The following AGO2 variants were observed in gnomAD, a reference collection of about 807,000 sequenced individuals.
AGO2 encodes the protein protein argonaute-2.
A neutral mutation model predicts 102.3 loss-of-function variants in AGO2; 5 were observed. The ratio of observed to expected loss-of-function variants is 0.05; its 90% CI spans 0.03 to 0.10. The LOEUF is 0.10. Among genes scored for constraint, AGO2 ranks in the 10% least tolerant of loss-of-function variants. AGO2 has a pLI of 1.00. For missense variants in AGO2, 541 were observed against 1,183.7 expected (o/e 0.46, Z 7.97); for synonymous variants, 449 against 473.1 (o/e 0.95, Z 0.66).
At chr8:140,633,296 G>A (rs1191528137) in intron 1 of AGO2, among the ~76,000 whole-genome samples, 1 of 152,166 alleles carries the variant, frequency 6.6e-6, no homozygotes, top group Non-Finnish European at 1.5e-5. Flanking sequence ...AAGCCTTAAT[G>A]TGTAGCATAA....
upstream of AGO2, among the ~76,000 whole-genome samples, chr8:140,638,831 T>G (rs2074425517): frequency 6.6e-6 from 1 of 152,182 alleles, no homozygotes; most frequent in Admixed American, 6.6e-5. Context: ...CACCTTGGCC[T>G]CCTCAAAGTG....
chr8:140,547,218 G>A (rs1415410466), intron 13 of AGO2, among the ~76,000 whole-genome samples: 1 of 152,226 alleles, frequency 6.6e-6, no homozygotes, highest in Non-Finnish European at 1.5e-5. Context: ...TGCCCACTGG[G>A]ATTCGAGGCA....
chr8:140,523,338 G>A lies in AGO2; in HGVS notation c.*8706C>T, dbSNP rs1248071537. 6.6e-6 allele frequency: 1 copy of A among 151,748 alleles called. No homozygotes were observed. Among genetic ancestry groups the A allele is most frequent in the Non-Finnish European group, 1.5e-5 (1 of 67,936 alleles). 9.4% of individuals were successfully genotyped at this position (151,748 alleles called of 1,614,324 possible). A position where few individuals can be genotyped will look rare whatever the true frequency, so the allele number is the denominator to read the frequency against. On this transcript the variant is annotated 3_prime_UTR_variant, in exon 19 of 19. Transcript: ENST00000220592. Reference sequence around the variant, plus strand: ...TCATTGTGGGAGAAAATTAAGAAGGGGCAAAAATCCATCTATGGAACTTCT... The same window carrying A: ...TCATTGTGGGAGAAAATTAAGAAGGAGCAAAAATCCATCTATGGAACTTCT...
chr8:140,553,568 C>A (rs1033928293), intron 10 of AGO2, among the ~76,000 whole-genome samples: 1 of 151,904 alleles, frequency 6.6e-6, no homozygotes, highest in Non-Finnish European at 1.5e-5. Context: ...GGCCACCACA[C>A]CCAGCTAATT....
Position 140,556,969 on chromosome 8 carries a change from A to G in AGO2, c.1026+120T>C. On this transcript the variant is annotated intron_variant, in intron 8 of 18. Transcript: ENST00000220592. ...ATTAACCCACCCGCATTCCTGCAGC[A>G]GCAGAGGCAGTGCCATTTGTATCTG... is the stretch of plus-strand genomic sequence containing the variant. 2.9e-6 allele frequency: 4 copies of G among 1,389,268 alleles called. No homozygotes were observed. The South Asian group carries it at 4.2e-5, about 15-fold the overall frequency. 86.1% of individuals were successfully genotyped at this position (1,389,268 alleles called of 1,614,324 possible).
intron 3 of AGO2, among the ~76,000 whole-genome samples, chr8:140,571,523 G>A (rs189194574): frequency 2.8e-4 from 42 of 152,306 alleles, no homozygotes; most frequent in African/African-American, 8.4e-4. Flanking sequence ...AAGACTGAAC[G>A]TCTGTAGAGA....
At chr8:140,548,263 C>CCAAAA (rs966911186) in intron 12 of AGO2, among the ~76,000 whole-genome samples, 1 of 148,132 alleles carries the variant, frequency 6.8e-6, no homozygotes, top group Non-Finnish European at 1.5e-5. Context: ...TTGCAGTGAG[C>CCAAAA]CAAAATCACA....
At chr8:140,627,710 C>A (rs2074294227) in intron 1 of AGO2, among the ~76,000 whole-genome samples, 1 of 152,304 alleles carries the variant, frequency 6.6e-6, no homozygotes, top group Non-Finnish European at 1.5e-5. Flanking sequence ...ACTGAAGCCC[C>A]AGTAATCACC....
chr8:140,558,989 C>G (rs1013975661), intron 6 of AGO2, among the ~76,000 whole-genome samples: 1 of 152,200 alleles, frequency 6.6e-6, no homozygotes, highest in Non-Finnish European at 1.5e-5. Context: ...TAGACCCCCC[C>G]CAATCTGAGT....
intron 1 of AGO2, among the ~76,000 whole-genome samples, chr8:140,617,492 A>G (rs1347951915): frequency 6.6e-6 from 1 of 152,106 alleles, no homozygotes; most frequent in African/African-American, 2.4e-5. Context: ...ACCTCAAGTG[A>G]TCCACCTGCC....
Position 140,605,036 on chromosome 8 carries a change from T to G in AGO2, c.23-19725A>C, listed in dbSNP as rs371424244. Among the ~76,000 whole-genome samples the G allele has an allele frequency of 7.9e-5, 12 of 152,292 alleles. No homozygotes were observed. The East Asian group carries it at 9.6e-4, about 12-fold the overall frequency. On this transcript the variant is annotated intron_variant, in intron 1 of 18. Transcript: ENST00000220592. The stretch of plus-strand genomic sequence containing the variant: ...AAATATTCAGGTAAGGAAATAAGAC[T>G]GGCTATGGCGGATACGTTAGACTTT...
intron 1 of AGO2, among the ~76,000 whole-genome samples, chr8:140,625,670 T>C (rs1346479303): frequency 6.6e-6 from 1 of 151,976 alleles, no homozygotes; most frequent in Non-Finnish European, 1.5e-5. Context: ...CCAACCAGAG[T>C]TCCCGCCGAC....
rs547436746 is a variant in AGO2 at position 140,542,404 on chromosome 8, C to A, written c.1840-1046G>T. On this transcript the variant is annotated intron_variant, in intron 14 of 18. Coordinates refer to ENST00000220592, the MANE Select transcript of AGO2 (RefSeq NM_012154.5). ...CCACTATTCCACGTCCTTTGTCCTG[C>A]CTTGGGCTATAATTTTTCTCTTAAA... Among the ~76,000 whole-genome samples the A allele has an allele frequency of 4.6e-5, 7 of 152,226 alleles. No homozygotes were observed. In the South Asian group the frequency reaches 1.5e-3, roughly 32 times the overall value.
chr8:140,546,941 C>T lies in AGO2; in HGVS notation c.1748+527G>A, dbSNP rs149684372. Among the ~76,000 whole-genome samples the T allele has an allele frequency of 1.4e-4, 22 of 152,328 alleles. No individual in the cohort carries two copies. The East Asian group carries it at 4.3e-3, about 29-fold the overall frequency. Reference sequence around the variant, plus strand: ...GGTGCAGCTCCATCACCCCCAACCCCCGTCCCCGGCGGTCAGCCCTGGGCC... The same window carrying T: ...GGTGCAGCTCCATCACCCCCAACCCTCGTCCCCGGCGGTCAGCCCTGGGCC... On this transcript the variant is annotated intron_variant, in intron 13 of 18. Coordinates refer to ENST00000220592, the MANE Select transcript of AGO2 (RefSeq NM_012154.5).
intron 14 of AGO2, among the ~76,000 whole-genome samples, chr8:140,542,848 G>T (rs1242229976): frequency 1.3e-5 from 2 of 152,208 alleles, no homozygotes; most frequent in African/African-American, 4.8e-5. Context: ...GCTGAAAATG[G>T]CTCAGCATGG....
At chr8:140,561,234 T>C (rs2132943389) in intron 4 of AGO2, among the ~76,000 whole-genome samples, 1 of 152,290 alleles carries the variant, frequency 6.6e-6, no homozygotes, top group South Asian at 2.1e-4. Context: ...GGAGGCGCCG[T>C]CACTAATGAT....
chr8:140,621,001 C>G (rs1174936118), intron 1 of AGO2, among the ~76,000 whole-genome samples: 2 of 152,152 alleles, frequency 1.3e-5, no homozygotes, highest in African/African-American at 4.8e-5. Context: ...GCAGCCTGGA[C>G]CCCTGGGTTC....
intron 1 of AGO2, among the ~76,000 whole-genome samples, chr8:140,627,878 C>T (rs2074295841): frequency 2.0e-5 from 3 of 152,248 alleles, no homozygotes; most frequent in Admixed American, 6.5e-5. Context: ...ACACCCAACA[C>T]GCGATCTCCC....
rs540670903 is a variant in AGO2, at chr8:140,581,257, G to A, written c.215+3862C>T. 2.6e-5 allele frequency among the ~76,000 whole-genome samples: 4 copies of A among 152,328 alleles called. No individual in the cohort carries two copies. In the South Asian group the frequency reaches 8.3e-4, roughly 32 times the overall value. On this transcript the variant is annotated intron_variant, in intron 2 of 18. Transcript: ENST00000220592. ...GTCTCTACTAAACAGGCTCACGCCT[G>A]TAATTCTAGCACTTTGAGAGGCCAA...
Sources: allele counts gnomAD v4.1 joint callset (sites outside exome capture counted in the v4.1 genomes callset), GRCh38; gene constraint gnomAD v4.1.1; transcripts MANE v1.5; gene names NCBI Gene and HGNC (gene_info 2026-07-23, HGNC 2026-07-21).